SNX31: variants seen among roughly 807,000 people sequenced by gnomAD.
SNX31 encodes the protein sorting nexin-31.
Under a neutral mutation model 65.4 loss-of-function variants are expected in SNX31, and 58 were observed. The observed-to-expected ratio is 0.89, with a 90% confidence interval of 0.72 to 1.10. SNX31 has a LOEUF of 1.10. Among genes scored for constraint, SNX31 ranks in the 50% least tolerant of loss-of-function variants. The probability of loss-of-function intolerance (pLI) is 0.00; values close to 1 mark genes in which losing one functional copy is unlikely to be tolerated. For missense variants in SNX31, 523 were observed against 529.7 expected (o/e 0.99, Z 0.12); for synonymous variants, 181 against 190.1 (o/e 0.95, Z 0.39).
At chr8:100,607,202 G>A (rs1816245614) in intron 8 of SNX31, among the ~76,000 whole-genome samples, 1 of 152,222 alleles carries the variant, frequency 6.6e-6, no homozygotes, top group Non-Finnish European at 1.5e-5. Context: ...CCTGAGAATA[G>A]ACTGTGAGAT....
intron 10 of SNX31, among the ~76,000 whole-genome samples, chr8:100,591,488 C>CAAAAAA (rs71274986): frequency 2.6e-5 from 2 of 77,532 alleles, no homozygotes; most frequent in African/African-American, 9.5e-5. Flanking sequence ...GACTCCGTCT[C>CAAAAAA]AAAAAAAAAA....
intron 1 of SNX31, among the ~76,000 whole-genome samples, chr8:100,661,351 TA>T (rs1344752156): frequency 6.6e-6 from 1 of 151,888 alleles, no homozygotes; most frequent in Non-Finnish European, 1.5e-5. Flanking sequence ...TGAAAAACAC[TA>T]AGGCCCAGAG....
chr8:100,583,789 G>C (rs1489356859), intron 12 of SNX31, among the ~76,000 whole-genome samples: 1 of 152,172 alleles, frequency 6.6e-6, no homozygotes. Context: ...TGAAGATGTA[G>C]CTTCTGTAAT....
intron 4 of SNX31, 96 bp from the exon 5 acceptor site, chr8:100,617,826 G>C: frequency 1.0e-6 from 1 of 967,438 alleles, no homozygotes; most frequent in South Asian, 1.6e-5. Context: ...GTGCAATGGC[G>C]TGATCTTGGC....
At chr8:100,581,317 ATCTATATCTATCTATCTATC>A (rs1813493540) in intron 12 of SNX31, among the ~76,000 whole-genome samples, 11 of 124,328 alleles carry the variant, frequency 8.8e-5, no homozygotes, top group African/African-American at 4.7e-4. Flanking sequence ...TTTTTTATAT[ATCTATATCTATCTATCTATC>A]TATATATATA....
At chr8:100,573,986 A>G in intron 13 of SNX31, 26 bp from the exon 14 acceptor site, 1 of 1,304,788 alleles carries the variant, frequency 7.7e-7, no homozygotes, top group Non-Finnish European at 1.1e-6. Flanking sequence ...AGAGGTCAGA[A>G]ATGTAAATGA....
At position 100,576,889 on chromosome 8, in the gene SNX31, T is replaced by C; in HGVS notation, c.1227+130A>G. ...TGATGGCCTTCCAATTGGCCCAATC[T>C]ACAAAGAGGAGCTTCTGAGAAACAT... On this transcript the variant is annotated intron_variant, in intron 13 of 13. Coordinates refer to ENST00000311812, the MANE Select transcript of SNX31 (RefSeq NM_152628.4). The surrounding 1 kb of genome is among the most constrained non-coding windows in gnomAD (Gnocchi z 4.8). 2 of 775,168 alleles carry C rather than the reference T, an allele frequency of 2.6e-6. No homozygotes were observed. Among genetic ancestry groups the C allele is most frequent in the Non-Finnish European group, 4.2e-6 (2 of 475,262 alleles). 48.0% of individuals were successfully genotyped at this position (775,168 alleles called of 1,614,324 possible).
In SNX31 at chr8:100,604,190, A is replaced by G. The variant is rs903958186; in HGVS notation, c.682-3749T>C. Among the ~76,000 whole-genome samples the G allele has an allele frequency of 3.3e-5, 5 of 152,216 alleles. No individual in the cohort carries two copies. Among genetic ancestry groups the G allele is most frequent in the African/African-American group, 1.2e-4 (5 of 41,454 alleles). On this transcript the variant is annotated intron_variant, in intron 8 of 13. Transcript: ENST00000311812. The surrounding 1 kb of genome is among the most constrained non-coding windows in gnomAD (Gnocchi z 4.3). ...TACTCAGTTACACGGTTCCCTGAACACTGGCTGAGAGGGGAGTATGCAGAA... is the reference window on the plus strand; with the variant it reads ...TACTCAGTTACACGGTTCCCTGAACGCTGGCTGAGAGGGGAGTATGCAGAA...
At chr8:100,661,093 C>G (rs554561107) in intron 1 of SNX31, among the ~76,000 whole-genome samples, 2 of 151,298 alleles carry the variant, frequency 1.3e-5, no homozygotes, top group South Asian at 4.2e-4. Flanking sequence ...GCAACCTCCG[C>G]CTCCCAGGTT....
chr8:100,578,104 G>T lies in SNX31; in HGVS notation c.1171-1029C>A, dbSNP rs1379397772. Among the ~76,000 whole-genome samples the T allele has an allele frequency of 6.6e-6, 1 of 152,200 alleles. No homozygotes were observed. Among genetic ancestry groups the T allele is most frequent in the Non-Finnish European group, 1.5e-5 (1 of 68,036 alleles). On this transcript the variant is annotated intron_variant, in intron 12 of 13. Coordinates refer to ENST00000311812, the MANE Select transcript of SNX31 (RefSeq NM_152628.4). This position sits in a 1 kb window ranked among gnomAD's most constrained non-coding sequence, Gnocchi z 4.7. Reference sequence around the variant, plus strand: ...GGGCTGCATGCAGCCCGCAGGCTGTGGGTTGGACAAGCTTGAGTTATCCCA... The same window carrying T: ...GGGCTGCATGCAGCCCGCAGGCTGTTGGTTGGACAAGCTTGAGTTATCCCA...
chr8:100,590,636 G>T (rs1814484423), intron 10 of SNX31, among the ~76,000 whole-genome samples: 5 of 152,010 alleles, frequency 3.3e-5, no homozygotes, highest in Admixed American at 2.6e-4. Context: ...CAAAAAATTA[G>T]CTGGGTATGG....
At chr8:100,657,811 C>A (rs907734199) in intron 1 of SNX31, 4 of 455,366 alleles carry the variant, frequency 8.8e-6, no homozygotes, top group African/African-American at 8.0e-5. Flanking sequence ...GCAGAGGTTG[C>A]AGTAAGCCAA....
rs370339956 is a variant in SNX31, at chr8:100,584,223, G to C, written c.1093-35C>G. ...GCAGGAATAAAGAACTCTTGTAACC[G>C]AAGAAATCTTCACTCTCTTTCTTCC... is the stretch of plus-strand genomic sequence containing the variant. On this transcript the variant is annotated intron_variant, in intron 11 of 13. Coordinates refer to ENST00000311812, the MANE Select transcript of SNX31 (RefSeq NM_152628.4). The C allele has an allele frequency of 5.5e-5, 85 of 1,539,974 alleles. No individual in the cohort carries two copies. The African/African-American group carries it at 1.1e-3, about 20-fold the overall frequency.
At chr8:100,628,347 C>G (rs1405890108) in intron 4 of SNX31, among the ~76,000 whole-genome samples, 2 of 152,082 alleles carry the variant, frequency 1.3e-5, no homozygotes, top group East Asian at 3.8e-4. Context: ...ACCCAAATGT[C>G]CAACAATGAT....
At chr8:100,586,341 A>T (rs1399710301) in intron 11 of SNX31, among the ~76,000 whole-genome samples, 1 of 152,240 alleles carries the variant, frequency 6.6e-6, no homozygotes, top group East Asian at 1.9e-4. Context: ...AGTGTGTACA[A>T]CTATTATATA....
intron 10 of SNX31, among the ~76,000 whole-genome samples, chr8:100,596,046 C>T (rs1053092579): frequency 3.3e-5 from 5 of 152,154 alleles, no homozygotes; most frequent in Non-Finnish European, 7.4e-5. Flanking sequence ...ATGGATTTAA[C>T]AAGTGGGTGT....
chr8:100,643,998 C>T (rs1299926131), intron 2 of SNX31, among the ~76,000 whole-genome samples: 1 of 152,078 alleles, frequency 6.6e-6, no homozygotes, highest in Admixed American at 6.6e-5. Context: ...CTTTGAGAAA[C>T]GATTGCTCCC....
intron 8 of SNX31, among the ~76,000 whole-genome samples, chr8:100,606,142 C>T (rs762754454): frequency 6.6e-6 from 1 of 152,094 alleles, no homozygotes; most frequent in Non-Finnish European, 1.5e-5. Context: ...TCAAGCCATC[C>T]TCCTACCTCA....
intron 4 of SNX31, chr8:100,618,825 TC>T (rs1413997044): frequency 2.4e-5 from 4 of 167,390 alleles, no homozygotes; most frequent in African/African-American, 9.6e-5. Flanking sequence ...CGCCACTTGC[TC>T]GCCAACCTGG....
Sources: gnomAD v4.1 joint callset for allele counts (sites outside exome capture counted in the v4.1 genomes callset) on GRCh38, gnomAD v4.1.1 for gene constraint, Gnocchi (gnomAD v3.1) non-coding constraint, MANE v1.5 for transcripts, NCBI Gene and HGNC (gene_info 2026-07-23, HGNC 2026-07-21) for gene names.